DHRS7B: variants seen among roughly 807,000 people sequenced by gnomAD.
DHRS7B encodes the protein dehydrogenase/reductase 7B.
In DHRS7B, 24 loss-of-function variants were observed where a neutral mutation model predicts 26.4. The ratio of observed to expected loss-of-function variants is 0.91; its 90% CI spans 0.66 to 1.28. The LOEUF is 1.28. DHRS7B is among the 50% of genes most tolerant of loss of function. The pLI is 0.00. For synonymous variants in DHRS7B, 142 were observed against 166.4 expected (o/e 0.85, Z 1.13); for missense variants, 368 against 419.4 (o/e 0.88, Z 1.07).
rs373562254 is a variant in DHRS7B, at chr17:21,154,006, A to G, written c.21-18012A>G. Among the ~76,000 whole-genome samples, 6 of 152,282 alleles carry G rather than the reference A, an allele frequency of 3.9e-5. No individual in the cohort carries two copies. In the East Asian group the frequency reaches 9.6e-4, roughly 24 times the overall value. On this transcript the variant is annotated intron_variant, in intron 1 of 6. Transcript: ENST00000395511. ...GGAAAAATGCTACCTATAGAGGAGG[A>G]GAGATAAGAATTACATCTAGGTTGG...
intron 1 of DHRS7B, among the ~76,000 whole-genome samples, chr17:21,153,305 C>T (rs912744489): frequency 9.2e-5 from 14 of 151,970 alleles, no homozygotes; most frequent in Non-Finnish European, 2.1e-4. Flanking sequence ...GAGAGAATCT[C>T]TGAGCTTTGA....
intron 1 of DHRS7B, among the ~76,000 whole-genome samples, chr17:21,170,080 T>C (rs1430894537): frequency 1.3e-5 from 2 of 152,232 alleles, no homozygotes; most frequent in Admixed American, 1.3e-4. Context: ...TTTTAAGCTA[T>C]CCTTGCCTGG....
intron 1 of DHRS7B, among the ~76,000 whole-genome samples, chr17:21,155,553 T>A (rs1248926910): frequency 6.6e-6 from 1 of 152,210 alleles, no homozygotes; most frequent in African/African-American, 2.4e-5. Flanking sequence ...CAATGCTCCT[T>A]TATCAGAAAG....
At chr17:21,134,287 T>C (rs571380966) in intron 1 of DHRS7B, among the ~76,000 whole-genome samples, 2 of 151,852 alleles carry the variant, frequency 1.3e-5, no homozygotes, top group South Asian at 4.2e-4. Flanking sequence ...GCAAGAATAA[T>C]TTTTTTTTAC....
At chr17:21,148,705 C>G (rs1973694875) in intron 1 of DHRS7B, among the ~76,000 whole-genome samples, 1 of 152,056 alleles carries the variant, frequency 6.6e-6, no homozygotes, top group Non-Finnish European at 1.5e-5. Context: ...AAGATCGTGC[C>G]ACTGCACTCC....
Position 21,191,380 on chromosome 17 carries a change from G to T in DHRS7B, c.*227G>T. On this transcript the variant is annotated 3_prime_UTR_variant, in exon 7 of 7. Transcript: ENST00000395511. ...CTTAAGGAATAAATATGGAGCTGGGGTTTAACACTAAAAACTAGAAATAAA... is the reference window on the plus strand; with the variant it reads ...CTTAAGGAATAAATATGGAGCTGGGTTTTAACACTAAAAACTAGAAATAAA... 1 of 550,472 alleles carries T rather than the reference G, an allele frequency of 1.8e-6. No homozygotes were observed. The highest frequency in any genetic ancestry group is 3.2e-6 in the Non-Finnish European group (1 of 309,338). 34.1% of individuals were successfully genotyped at this position (550,472 alleles called of 1,614,324 possible).
chr17:21,150,308 A>G (rs1001455349), intron 1 of DHRS7B, among the ~76,000 whole-genome samples: 4 of 151,660 alleles, frequency 2.6e-5, no homozygotes, highest in Non-Finnish European at 5.9e-5. Flanking sequence ...GACCAAAGAC[A>G]TGCAACAAAT....
At chr17:21,135,022 T>C (rs577339805) in intron 1 of DHRS7B, among the ~76,000 whole-genome samples, 8 of 152,258 alleles carry the variant, frequency 5.3e-5, no homozygotes, top group African/African-American at 1.9e-4. Flanking sequence ...TAGAGTTTTG[T>C]AGCTGATTAT....
chr17:21,138,095 T>TACAC (rs1395026542), intron 1 of DHRS7B, among the ~76,000 whole-genome samples: 2,796 of 81,482 alleles, frequency 0.034, 69 homozygotes, highest in East Asian at 0.12. Context: ...TATATATATA[T>TACAC]ATATATACAC....
chr17:21,180,910 A>G (rs906761878), intron 3 of DHRS7B, among the ~76,000 whole-genome samples: 1 of 152,224 alleles, frequency 6.6e-6, no homozygotes, highest in African/African-American at 2.4e-5. Flanking sequence ...TCTCACATCA[A>G]CAACACGGTC....
At position 21,190,939 on chromosome 17, in the gene DHRS7B, T is replaced by C. The variant is rs1166389799; in HGVS notation, c.773-9T>C. On this transcript the variant is annotated splice_polypyrimidine_tract_variant and intron_variant, in intron 6 of 6. Transcript: ENST00000395511. The stretch of plus-strand genomic sequence containing the variant: ...AGTTCATGTGTTTCTTTTGTTTTAT[T>C]TATTTTAGTTATGGACACCACCACA... The C allele has an allele frequency of 1.2e-6, 2 of 1,613,432 alleles. No individual in the cohort carries two copies. The highest frequency in any genetic ancestry group is 1.7e-4 in the Middle Eastern group (1 of 5,902).
intron 1 of DHRS7B, among the ~76,000 whole-genome samples, chr17:21,164,999 T>A (rs972828150): frequency 6.6e-6 from 1 of 152,240 alleles, no homozygotes; most frequent in Non-Finnish European, 1.5e-5. Context: ...GAATTGCCTT[T>A]TTTCAGTCAG....
intron 1 of DHRS7B, chr17:21,127,201 G>T (rs1046737307): frequency 9.7e-6 from 5 of 517,362 alleles, no homozygotes; most frequent in East Asian, 3.5e-5. Context: ...CGGCGAGTGC[G>T]TGGCGGGGAA....
chr17:21,167,384 G>A lies in DHRS7B; in HGVS notation c.21-4634G>A, dbSNP rs377069893. Among the ~76,000 whole-genome samples the A allele has an allele frequency of 9.9e-5, 15 of 152,282 alleles. No individual in the cohort carries two copies. The East Asian group carries it at 1.7e-3, about 18-fold the overall frequency. On this transcript the variant is annotated intron_variant, in intron 1 of 6. Coordinates refer to ENST00000395511, the MANE Select transcript of DHRS7B (RefSeq NM_015510.5). ...CCTGGGTCTAGAGCTCATGGATCTGGCAAGGGATGAAAATATAAGCAGACA... is the reference window on the plus strand; with the variant it reads ...CCTGGGTCTAGAGCTCATGGATCTGACAAGGGATGAAAATATAAGCAGACA...
At position 21,132,348 on chromosome 17, in the gene DHRS7B, A is replaced by AAT. The variant is rs752912752; in HGVS notation, c.20+5371_20+5372dup. ...AGACCCCATCTCTTAAAAAAAAAAA[A>AAT]ATATATATATATATAGATAGATAGA... On this transcript the variant is annotated intron_variant, in intron 1 of 6. Transcript: ENST00000395511. Among the ~76,000 whole-genome samples, 857 of 125,016 alleles carry AAT rather than the reference A, an allele frequency of 6.9e-3. 7 individuals are homozygous for AAT. Among genetic ancestry groups the AAT allele is most frequent in the African/African-American group, 0.021 (731 of 34,298 alleles). 82.0% of individuals were successfully genotyped at this position (125,016 alleles called of 152,430 possible). A position where few individuals can be genotyped will look rare whatever the true frequency, so the allele number is the denominator to read the frequency against.
chr17:21,128,316 C>CTTTAGGA (rs1555535457), intron 1 of DHRS7B: 1 of 152,098 alleles, frequency 6.6e-6, no homozygotes, highest in Admixed American at 6.6e-5. Context: ...AATCCCAGCA[C>CTTTAGGA]TTTAGGAGGC....
chr17:21,158,802 C>G (rs948118818), intron 1 of DHRS7B, among the ~76,000 whole-genome samples: 2 of 152,034 alleles, frequency 1.3e-5, no homozygotes, highest in Non-Finnish European at 2.9e-5. Flanking sequence ...TAGTATAAAG[C>G]TACATTAATC....
intron 1 of DHRS7B, among the ~76,000 whole-genome samples, chr17:21,137,680 C>T (rs1973377233): frequency 6.6e-6 from 1 of 152,088 alleles, no homozygotes; most frequent in African/African-American, 2.4e-5. Flanking sequence ...TGGTCTCGAA[C>T]TCCCAACCTC....
intron 1 of DHRS7B, among the ~76,000 whole-genome samples, chr17:21,146,102 G>A (rs1341924769): frequency 6.6e-6 from 1 of 152,096 alleles, no homozygotes; most frequent in East Asian, 1.9e-4. Context: ...CAAATAAAAG[G>A]CCTCCTAACC....
Sources: gnomAD v4.1 joint callset for allele counts (sites outside exome capture counted in the v4.1 genomes callset) on GRCh38, gnomAD v4.1.1 for gene constraint, MANE v1.5 for transcripts, NCBI Gene and HGNC (gene_info 2026-07-23, HGNC 2026-07-21) for gene names.